The following CHAT variants were observed in gnomAD, a reference collection of about 807,000 sequenced individuals.
The protein encoded by CHAT is choline O-acetyltransferase, also known as acetyl CoA:choline O-acetyltransferase.
A neutral mutation model predicts 76.9 loss-of-function variants in CHAT; 61 were observed. That is an observed-to-expected ratio of 0.79 (90% CI 0.65 to 0.98). The LOEUF is 0.98. CHAT is among the 50% of genes least tolerant of loss of function. The pLI, the probability that CHAT is intolerant of heterozygous loss-of-function variation, is 0.00. For synonymous variants in CHAT, 407 were observed against 397.4 expected, an observed-to-expected ratio of 1.02 and a Z score of -0.29; for missense variants, 946 against 986.9, an observed-to-expected ratio of 0.96 and a Z score of 0.56.
upstream of CHAT, chr10:49,611,772 C>T (rs926383958): frequency 6.2e-7 from 1 of 1,603,344 alleles, no homozygotes; most frequent in Non-Finnish European, 8.5e-7. Flanking sequence ...GCGTCTACCT[C>T]ACCGTGCGCC....
intron 7 of CHAT, 84 bp from the exon 8 acceptor site, chr10:49,646,421 T>C (rs1839663779): frequency 2.0e-6 from 3 of 1,516,220 alleles, no homozygotes; most frequent in South Asian, 2.2e-5. Flanking sequence ...AAGACAGGGC[T>C]GCCCTGCCCT....
Position 49,616,605 on chromosome 10 carries a change from G to A in CHAT, c.387+3G>A. On this transcript the variant is annotated splice_donor_region_variant and intron_variant, in intron 2 of 14. Transcript: ENST00000337653. The stretch of plus-strand genomic sequence containing the variant: ...AAACTCCCAGCAGTGAGGAGTCTGT[G>A]AGTGACTTTTGGAGCCCTCTCTCAA... The A allele has an allele frequency of 6.3e-7, 1 of 1,599,516 alleles. No individual in the cohort carries two copies. The highest frequency in any genetic ancestry group is 8.5e-7 in the Non-Finnish European group (1 of 1,169,742).
chr10:49,639,330 C>T (rs1342081000), intron 7 of CHAT, among the ~76,000 whole-genome samples: 3 of 152,050 alleles, frequency 2.0e-5, no homozygotes, highest in Non-Finnish European at 4.4e-5. Flanking sequence ...CTTAGTTTTC[C>T]TCATATGAAA....
At chr10:49,662,565 C>A in intron 13 of CHAT, 80 bp from the exon 14 acceptor site, 1 of 1,574,170 alleles carries the variant, frequency 6.4e-7, no homozygotes, top group Non-Finnish European at 8.7e-7. Flanking sequence ...CACCAGCAGT[C>A]CTGTAGACTA....
chr10:49,619,636 C>A, intron 2 of CHAT, 89 bp from the exon 3 acceptor site: 1 of 1,271,730 alleles, frequency 7.9e-7, no homozygotes. Context: ...AACACAGGGG[C>A]AGAACAATAC....
In CHAT at chr10:49,614,303, G is replaced by C. The variant is rs746540866; in HGVS notation, c.114G>C (p.Gln38His). ...AAGTGCGGCCAGCTTGCTTTCTCCA[G>C]TCGGGTGGCCGCGGGGACCCGGGCG... ...RREVRPACFL[Q>H]SGGRGDPGDV... is the part of the protein sequence containing the mutation. The change falls in exon 1 of 15, where the codon CAG becomes CAC. Residue 38 changes from glutamine (Q) to histidine (H), a missense_variant. Around this residue, in one of 3 missense-constraint regions of CHAT, gnomAD observed 548 missense variants for 516.2 expected, o/e 1.06. Transcript: ENST00000337653. The C allele has an allele frequency of 2.1e-5, 33 of 1,548,030 alleles. 1 individual carries two copies. In the South Asian group the frequency reaches 3.5e-4, roughly 16 times the overall value.
At chr10:49,635,020 A>G (rs1348277300) in intron 7 of CHAT, among the ~76,000 whole-genome samples, 1 of 152,208 alleles carries the variant, frequency 6.6e-6, no homozygotes, top group African/African-American at 2.4e-5. Flanking sequence ...TGACATTGAT[A>G]CAGTCAAGAT....
intron 7 of CHAT, among the ~76,000 whole-genome samples, chr10:49,633,610 G>A (rs773537489): frequency 6.6e-6 from 1 of 152,150 alleles, no homozygotes; most frequent in Non-Finnish European, 1.5e-5. Flanking sequence ...CCACTGCCTC[G>A]AAGCTGTGGC....
intron 2 of CHAT, among the ~76,000 whole-genome samples, chr10:49,617,944 G>T (rs907467206): frequency 6.6e-6 from 1 of 152,198 alleles, no homozygotes; most frequent in Non-Finnish European, 1.5e-5. Flanking sequence ...CAGGCAGAGG[G>T]CCGTCATTCA....
rs138698988 is a variant in CHAT, at chr10:49,618,231, A to G, written c.388-1494A>G. Among the ~76,000 whole-genome samples, 84 of 152,342 alleles carry G rather than the reference A, an allele frequency of 5.5e-4. 1 individual carries two copies. Among genetic ancestry groups the G allele is most frequent in the African/African-American group, 1.9e-3 (77 of 41,578 alleles). ...CACCCTTCAGGTCCGGAGATCAGCT[A>G]GATTCTGGAGCCCCAGCTGAGAACA... On this transcript the variant is annotated intron_variant, in intron 2 of 14. Coordinates refer to ENST00000337653, the MANE Select transcript of CHAT (RefSeq NM_020549.5).
At chr10:49,660,138 G>A (rs1304302754) in intron 13 of CHAT, among the ~76,000 whole-genome samples, 1 of 151,940 alleles carries the variant, frequency 6.6e-6, no homozygotes, top group Non-Finnish European at 1.5e-5. Flanking sequence ...GGGGGAGCAG[G>A]GTCATAAAAG....
chr10:49,611,057 C>T, upstream of CHAT: 1 of 1,614,080 alleles, frequency 6.2e-7, no homozygotes, highest in Non-Finnish European at 8.5e-7. Context: ...GCTGCGTGGC[C>T]AGCGGGCTCA....
At position 49,619,814 on chromosome 10, in the gene CHAT, C is replaced by A; in HGVS notation, c.477C>A (p.Phe159Leu). ...GACACTTGGTGTCTGAGGAGCAGTT[C>A]AGGAAGAGCCAGGCCATTGTGCAGC... ...CMRHLVSEEQ[F>L]RKSQAIVQQF... The change falls in exon 3 of 15, where the codon TTC becomes TTA. Residue 159 changes from phenylalanine to leucine, a missense_variant. By Grantham distance (22) the Phe-to-Leu change is conservative (BLOSUM62 0). Around this residue, in one of 3 missense-constraint regions of CHAT, gnomAD observed 548 missense variants for 516.2 expected, o/e 1.06. Transcript: ENST00000337653. 1 of 1,614,024 alleles carries A rather than the reference C, an allele frequency of 6.2e-7. No individual in the cohort carries two copies. The highest frequency in any genetic ancestry group is 8.5e-7 in the Non-Finnish European group (1 of 1,179,982).
At chr10:49,656,783 C>T (rs1205904284) in intron 13 of CHAT, among the ~76,000 whole-genome samples, 1 of 152,100 alleles carries the variant, frequency 6.6e-6, no homozygotes, top group Non-Finnish European at 1.5e-5. Context: ...GGAATGTTTG[C>T]TGAGAGGCAG....
In CHAT at chr10:49,662,648, A is replaced by G. The variant is rs759151717; in HGVS notation, c.1843A>G (p.Ile615Val). ...TTCTTTGTCCCCAACTACACAGGCC[A>G]TAACAGGGATGGCCATTGACAACCA... Reference protein sequence around the residue: ...RAQTAYTVMAITGMAIDNHLL... With the variant: ...RAQTAYTVMAVTGMAIDNHLL... Residue 615 changes from isoleucine to valine, a missense_variant, in exon 14 of 15, where the codon ATA becomes GTA. Around this residue, in one of 3 missense-constraint regions of CHAT, gnomAD observed 349 missense variants for 393.9 expected, o/e 0.89. Transcript: ENST00000337653. 7 of 1,614,158 alleles carry G rather than the reference A, an allele frequency of 4.3e-6. No homozygotes were observed. Among genetic ancestry groups the G allele is most frequent in the East Asian group, 4.5e-5 (2 of 44,880 alleles).
chr10:49,621,980 A>C, intron 4 of CHAT, 117 bp from the exon 5 acceptor site: 7 of 1,099,198 alleles, frequency 6.4e-6, no homozygotes, highest in South Asian at 1.3e-5. Context: ...GGGAGAAGGG[A>C]GGGAAGAGGA....
intron 7 of CHAT, among the ~76,000 whole-genome samples, chr10:49,629,709 T>C (rs1237131619): frequency 6.6e-6 from 1 of 152,166 alleles, no homozygotes; most frequent in Non-Finnish European, 1.5e-5. Context: ...CTGAGGGAAA[T>C]GCGACAGAAA....
At chr10:49,664,059 A>AT (rs1015853917) in intron 14 of CHAT, among the ~76,000 whole-genome samples, 2 of 151,928 alleles carry the variant, frequency 1.3e-5, no homozygotes, top group African/African-American at 2.4e-5. Flanking sequence ...AATCCTTTCT[A>AT]TTTTTTTTCC....
At chr10:49,639,523 T>C (rs1222125593) in intron 7 of CHAT, among the ~76,000 whole-genome samples, 1 of 110,910 alleles carries the variant, frequency 9.0e-6, no homozygotes, top group African/African-American at 3.4e-5. Flanking sequence ...CTATAGAATA[T>C]ATATATAGTA....
Sources: allele counts gnomAD v4.1 joint callset (sites outside exome capture counted in the v4.1 genomes callset), GRCh38; gene constraint gnomAD v4.1.1; regional missense constraint gnomAD v4.1.1; transcripts MANE v1.5; gene names NCBI Gene and HGNC (gene_info 2026-07-23, HGNC 2026-07-21).